Variants in HDX observed in about 807,000 individuals in gnomAD.
HDX encodes highly divergent homeobox, also known as chromosome X open reading frame 43.
Under a neutral mutation model 45.2 loss-of-function variants are expected in HDX, and 19 were observed. The observed-to-expected ratio is 0.42, with a 90% CI of 0.29 to 0.62. HDX has a LOEUF of 0.62. Among genes scored for constraint, HDX ranks in the 20% least tolerant of loss-of-function variants. The pLI is 0.20. For missense variants in HDX, 532 were observed against 493.9 expected (o/e 1.08, Z -0.73); for synonymous variants, 188 against 172.8 (o/e 1.09, Z -0.69).
intron 5 of HDX, among the ~76,000 whole-genome samples, chrX:84,375,727 A>G (rs745384321): frequency 1.0e-3 from 110 of 106,908 alleles, no homozygotes; most frequent in African/African-American, 3.3e-3. Context: ...GGGAACATCA[A>G]ACTCTGGGGA....
At chrX:84,374,491 G>A (rs186945596) in intron 5 of HDX, among the ~76,000 whole-genome samples, 12,006 of 108,773 alleles carry the variant, frequency 0.11, 616 homozygotes, top group East Asian at 0.27. Flanking sequence ...TAGGCATCAT[G>A]CTACCTGACT....
chrX:84,354,073 T>C (rs1025110528), intron 6 of HDX, among the ~76,000 whole-genome samples: 1 of 111,966 alleles, frequency 8.9e-6, no homozygotes, highest in African/African-American at 3.2e-5. Flanking sequence ...AACCATTTTA[T>C]ATGATCAATG....
intron 9 of HDX, among the ~76,000 whole-genome samples, chrX:84,327,954 CAGG>C (rs2036750963): frequency 9.1e-6 from 1 of 109,981 alleles, no homozygotes; most frequent in Non-Finnish European, 1.9e-5. Flanking sequence ...AGCTAGACTA[CAGG>C]TATGCACCAC....
chrX:84,378,457 TAGAC>T (rs1354941723), intron 5 of HDX, among the ~76,000 whole-genome samples: 5 of 111,370 alleles, frequency 4.5e-5, no homozygotes, highest in African/African-American at 6.5e-5. Context: ...TTTTAAGACA[TAGAC>T]AGTACAATAA....
chrX:84,419,928 T>C (rs2039210839), intron 5 of HDX, among the ~76,000 whole-genome samples: 1 of 111,842 alleles, frequency 8.9e-6, no homozygotes, highest in African/African-American at 3.3e-5. Context: ...GCAGTACCTA[T>C]ACCAGTCTGC....
intron 4 of HDX, among the ~76,000 whole-genome samples, chrX:84,445,229 G>A (rs1347867774): frequency 8.9e-6 from 1 of 111,767 alleles, no homozygotes; most frequent in Non-Finnish European, 1.9e-5. Flanking sequence ...GGAAAATGGA[G>A]TATTTGATTA....
chrX:84,320,885 C>T lies in HDX; in HGVS notation c.*1004G>A, dbSNP rs2036583115. 1 of 110,342 alleles carries T rather than the reference C, an allele frequency of 9.1e-6. No individual in the cohort carries two copies. The highest frequency in any genetic ancestry group is 3.3e-5 in the African/African-American group (1 of 30,560). 9.1% of individuals were successfully genotyped at this position (110,342 alleles called of 1,213,427 possible). On this transcript the variant is annotated 3_prime_UTR_variant, in exon 11 of 11. Coordinates refer to ENST00000373177, the MANE Select transcript of HDX (RefSeq NM_001177479.2). ...AATTCAGAAGACTGTGATTTACAAC[C>T]AAAGTAGTATAACTCTTTTTGAATA...
At chrX:84,484,292 T>C (rs190614668) in intron 2 of HDX, among the ~76,000 whole-genome samples, 5 of 112,004 alleles carry the variant, frequency 4.5e-5, no homozygotes, top group African/African-American at 1.3e-4. Flanking sequence ...GGGTAATTTA[T>C]TAATGAAAGA....
At chrX:84,385,837 G>GT (rs764533335) in intron 5 of HDX, among the ~76,000 whole-genome samples, 4,176 of 73,350 alleles carry the variant, frequency 0.057, 248 homozygotes, top group East Asian at 0.27. Context: ...TACTTGAATG[G>GT]TTTTTTTTTT....
intron 5 of HDX, among the ~76,000 whole-genome samples, chrX:84,364,766 C>T (rs753505754): frequency 2.4e-4 from 27 of 110,489 alleles, no homozygotes; most frequent in Non-Finnish European, 4.3e-4. Flanking sequence ...CCATTTCCCT[C>T]TCCCACTAGC....
At chrX:84,490,399 C>G (rs910192275) in intron 1 of HDX, among the ~76,000 whole-genome samples, 4 of 111,689 alleles carry the variant, frequency 3.6e-5, no homozygotes, top group Non-Finnish European at 7.6e-5. Context: ...CTCTACTGGC[C>G]TTTGTGCTAT....
chrX:84,405,660 A>ATT (rs200660633), intron 5 of HDX, among the ~76,000 whole-genome samples: 1 of 84,144 alleles, frequency 1.2e-5, no homozygotes, highest in Non-Finnish European at 2.4e-5. Context: ...ATATATATAT[A>ATT]TATATGTGTG....
intron 5 of HDX, among the ~76,000 whole-genome samples, chrX:84,385,283 G>C (rs2038289452): frequency 1.3e-5 from 1 of 77,773 alleles, no homozygotes; most frequent in Non-Finnish European, 2.3e-5. Context: ...GCGGGATCTC[G>C]GCTCACTGCA....
At chrX:84,454,339 T>C (rs1432442402) in intron 4 of HDX, among the ~76,000 whole-genome samples, 3 of 111,368 alleles carry the variant, frequency 2.7e-5, no homozygotes, top group Non-Finnish European at 5.7e-5. Context: ...CCAGAGGGGA[T>C]CCCATTACCT....
At chrX:84,354,149 A>G (rs58821097) in intron 6 of HDX, among the ~76,000 whole-genome samples, 10,576 of 111,284 alleles carry the variant, frequency 0.095, 750 homozygotes, top group African/African-American at 0.24. Context: ...ATAATTTCCA[A>G]ATTCTTTACT....
intron 5 of HDX, among the ~76,000 whole-genome samples, chrX:84,404,436 T>C (rs2038771863): frequency 9.0e-6 from 1 of 111,436 alleles, no homozygotes; most frequent in Non-Finnish European, 1.9e-5. Context: ...ACTAAATGAA[T>C]TTTTGTCCAA....
rs1233351378 is a variant in HDX, at chrX:84,320,184, C to T, written c.*1705G>A. 3.6e-5 allele frequency: 4 copies of T among 110,617 alleles called. No homozygotes were observed. Among genetic ancestry groups the T allele is most frequent in the Non-Finnish European group, 7.6e-5 (4 of 52,339 alleles). 9.1% of individuals were successfully genotyped at this position (110,617 alleles called of 1,213,427 possible). A position where few individuals can be genotyped will look rare whatever the true frequency, so the allele number is the denominator to read the frequency against. The stretch of plus-strand genomic sequence containing the variant: ...GTACATTTAATCGTAATATCTGAGG[C>T]TCTGTTACTCTCTGCTGCTTTCTCT... On this transcript the variant is annotated 3_prime_UTR_variant, in exon 11 of 11. Coordinates refer to ENST00000373177, the MANE Select transcript of HDX (RefSeq NM_001177479.2).
intron 9 of HDX, among the ~76,000 whole-genome samples, chrX:84,328,290 T>C (rs988886755): frequency 9.0e-6 from 1 of 110,919 alleles, no homozygotes; most frequent in African/African-American, 3.3e-5. Context: ...GAGGACTGCT[T>C]GAGCCCAAGA....
chrX:84,322,106 T>A, intron 10 of HDX, 92 bp from the exon 11 acceptor site: 1 of 527,755 alleles, frequency 1.9e-6, no homozygotes, highest in Non-Finnish European at 2.8e-6. Flanking sequence ...TGGTGAATTA[T>A]CCTTATGGAT....
Sources: gnomAD v4.1 joint callset for allele counts (sites outside exome capture counted in the v4.1 genomes callset) on GRCh38, gnomAD v4.1.1 for gene constraint, MANE v1.5 for transcripts, NCBI Gene and HGNC (gene_info 2026-07-23, HGNC 2026-07-21) for gene names.